The following UBR4 variants were observed in gnomAD, a reference collection of about 807,000 sequenced individuals.
UBR4 encodes the protein ubiquitin protein ligase E3 component n-recognin 4, also known as E3 ubiquitin-protein ligase UBR4.
UBR4 carries 124 observed loss-of-function variants against 575.6 expected under a neutral mutation model. That is an observed-to-expected ratio of 0.22 (90% confidence interval 0.19 to 0.25). The LOEUF is 0.25. Among genes scored for constraint, UBR4 ranks in the 10% least tolerant of loss-of-function variants. The probability of loss-of-function intolerance (pLI) is 1.00; values close to 1 mark genes in which losing one functional copy is unlikely to be tolerated. For synonymous variants in UBR4, 2,455 were observed against 2,473.7 expected (o/e 0.99, Z 0.22); for missense variants, 4,818 against 6,478.8 (o/e 0.74, Z 8.80).
At chr1:19,168,994 A>G (rs1296801383) in intron 27 of UBR4, among the ~76,000 whole-genome samples, 2 of 150,470 alleles carry the variant, frequency 1.3e-5, no homozygotes, top group African/African-American at 4.9e-5. Context: ...AAAAAAAAAG[A>G]AGACTCAGTA....
At chr1:19,162,308 G>T in intron 35 of UBR4, 112 bp downstream of exon 35, 1 of 1,319,388 alleles carries the variant, frequency 7.6e-7, no homozygotes, top group Non-Finnish European at 1.0e-6. Context: ...CAGCAACAAG[G>T]ACTAGGAAGT....
At position 19,126,494 on chromosome 1, in the gene UBR4, G is replaced by A; in HGVS notation, c.9390C>T (p.Thr3130=). Reference sequence around the variant, plus strand: ...ATGGGCTCATGTCAGGTGGGGAGGAGGTAGTATGTGGTTTCAGCAACTGGC... The same window carrying A: ...ATGGGCTCATGTCAGGTGGGGAGGAAGTAGTATGTGGTTTCAGCAACTGGC... The part of the protein sequence containing the change: ...ATSQLLKPHT[T]SSPPDMSPFF... Residue 3130 remains threonine, a synonymous_variant, in exon 64 of 106, where the codon ACC becomes ACT. Coordinates refer to ENST00000375254, the MANE Select transcript of UBR4 (RefSeq NM_020765.3). The A allele has an allele frequency of 1.2e-6, 2 of 1,614,196 alleles. No homozygotes were observed. Among genetic ancestry groups the A allele is most frequent in the Admixed American group, 1.7e-5 (1 of 60,022 alleles).
At chr1:19,145,403 G>A (rs1008129751) in intron 53 of UBR4, among the ~76,000 whole-genome samples, 1 of 152,084 alleles carries the variant, frequency 6.6e-6, no homozygotes, top group Non-Finnish European at 1.5e-5. Context: ...AGAAGTTAGA[G>A]ACCAAATAGC....
chr1:19,193,008 C>G (rs1202794398), intron 9 of UBR4, among the ~76,000 whole-genome samples: 4 of 152,118 alleles, frequency 2.6e-5, no homozygotes, highest in Non-Finnish European at 5.9e-5. Context: ...GTTTTGAACT[C>G]CTAACCTCAG....
chr1:19,198,411 A>G (rs906348920), intron 5 of UBR4, 130 bp downstream of exon 5: 20 of 1,285,416 alleles, frequency 1.6e-5, no homozygotes, highest in Non-Finnish European at 2.1e-5. Flanking sequence ...TGTATTCCTC[A>G]ATTTCTTTTG....
Position 19,121,443 on chromosome 1 carries a change from A to C in UBR4, c.9896-9T>G. The C allele has an allele frequency of 2.5e-6, 4 of 1,610,232 alleles. No homozygotes were observed. Among genetic ancestry groups the C allele is most frequent in the Non-Finnish European group, 3.4e-6 (4 of 1,177,340 alleles). ...GAGGAAGTACAGGACGGCTGCAAGC[A>C]GAGGAGACAGAGGCTCACCTCTGAG... On this transcript the variant is annotated splice_polypyrimidine_tract_variant and intron_variant, in intron 67 of 105. Transcript: ENST00000375254.
At chr1:19,194,825 A>C (rs1386313297) in intron 8 of UBR4, among the ~76,000 whole-genome samples, 2 of 152,048 alleles carry the variant, frequency 1.3e-5, no homozygotes, top group Non-Finnish European at 2.9e-5. Context: ...TTAAATAATT[A>C]ATTCATTCAC....
chr1:19,126,798 C>T, intron 63 of UBR4, 143 bp from the exon 64 acceptor site: 2 of 868,948 alleles, frequency 2.3e-6, no homozygotes, highest in East Asian at 2.6e-5. Context: ...TGCACTGAAA[C>T]TTCCCCAAGG....
chr1:19,165,924 T>C (rs571425818), intron 29 of UBR4, among the ~76,000 whole-genome samples, 167 bp from the exon 30 acceptor site: 3 of 152,364 alleles, frequency 2.0e-5, no homozygotes, highest in African/African-American at 7.2e-5. Context: ...AGGTGTTCAA[T>C]ACATGTTTAC....
chr1:19,110,424 G>A lies in UBR4; in HGVS notation c.11933C>T (p.Ser3978Phe), dbSNP rs1194350877. Residue 3978 changes from serine to phenylalanine, a missense_variant, in exon 80 of 106, where the codon TCT becomes TTT. By Grantham distance (155) the Ser-to-Phe change is radical. This residue lies in a region of UBR4 where 333 missense variants were observed against 459.2 expected (regional missense o/e 0.73). Coordinates refer to ENST00000375254, the MANE Select transcript of UBR4 (RefSeq NM_020765.3). The surrounding 1 kb of genome is among the most constrained non-coding windows in gnomAD (Gnocchi z 4.5). ...LQYEMLLLTD[S>F]ISKEDSCWEL... is the part of the protein sequence containing the mutation. ...CCAGCAGCTGTCCTCCTTGGAGATAGAATCCGTCAGCAGCAGCATTTCATA... is the reference window on the plus strand; with the variant it reads ...CCAGCAGCTGTCCTCCTTGGAGATAAAATCCGTCAGCAGCAGCATTTCATA... The A allele has an allele frequency of 1.9e-6, 3 of 1,614,180 alleles. No homozygotes were observed. Among genetic ancestry groups the A allele is most frequent in the Non-Finnish European group, 2.5e-6 (3 of 1,180,038 alleles).
intron 51 of UBR4, among the ~76,000 whole-genome samples, 196 bp downstream of exon 51, chr1:19,147,797 G>A (rs891491232): frequency 6.6e-6 from 1 of 152,054 alleles, no homozygotes; most frequent in Non-Finnish European, 1.5e-5. Context: ...ACAAACCAGG[G>A]GCCCAGTCAC....
chr1:19,104,932 T>C (rs1015220344), intron 85 of UBR4, 116 bp downstream of exon 85: 17 of 1,467,978 alleles, frequency 1.2e-5, no homozygotes, highest in Non-Finnish European at 1.6e-5. Context: ...TCCAAACACC[T>C]TCAACAAATA....
intron 25 of UBR4, among the ~76,000 whole-genome samples, chr1:19,171,547 T>C (rs774470497): frequency 6.6e-6 from 1 of 152,080 alleles, no homozygotes; most frequent in Non-Finnish European, 1.5e-5. Context: ...TAAAGCAGCA[T>C]AAAGCCCACA....
chr1:19,136,467 T>C (rs2083210489), intron 60 of UBR4, among the ~76,000 whole-genome samples: 2 of 152,156 alleles, frequency 1.3e-5, no homozygotes, highest in East Asian at 1.9e-4. Flanking sequence ...ATGCATAGTA[T>C]AACCACTGAA....
rs2084977304 is a variant in UBR4, at chr1:19,147,099, T to A, written c.7630-99A>T. On this transcript the variant is annotated intron_variant, in intron 51 of 105. Coordinates refer to ENST00000375254, the MANE Select transcript of UBR4 (RefSeq NM_020765.3). ...CTGGCAGATCACCAGGATTATTACC[T>A]CCTCTCAAGAGAACAGGCCAATGAA... 9 of 1,357,682 alleles carry A rather than the reference T, an allele frequency of 6.6e-6. No homozygotes were observed. In the Admixed American group the frequency reaches 2.2e-4, roughly 33 times the overall value. The allele number at this position is 1,357,682 out of a possible 1,614,324, so 84.1% of individuals were successfully genotyped here. A position where few individuals can be genotyped will look rare whatever the true frequency, so the allele number is the denominator to read the frequency against.
intron 1 of UBR4, among the ~76,000 whole-genome samples, chr1:19,209,685 C>T (rs975312566): frequency 5.9e-5 from 9 of 152,198 alleles, no homozygotes; most frequent in Non-Finnish European, 1.2e-4. Context: ...TAAATTATAC[C>T]GTACGGCTCC....
At chr1:19,087,770 G>A (rs1307781039) in intron 99 of UBR4, 46 bp downstream of exon 99, 1 of 1,503,036 alleles carries the variant, frequency 6.7e-7, no homozygotes, top group Non-Finnish European at 9.1e-7. Context: ...TAGAACAAGG[G>A]GTCAGGCTGG....
intron 9 of UBR4, among the ~76,000 whole-genome samples, chr1:19,193,110 C>T (rs1003679568): frequency 1.1e-4 from 17 of 152,114 alleles, no homozygotes; most frequent in African/African-American, 3.4e-4. Context: ...ATTGTTTCAG[C>T]GCACTTAATC....
chr1:19,147,713 G>T (rs927962352), intron 51 of UBR4, among the ~76,000 whole-genome samples: 3 of 150,282 alleles, frequency 2.0e-5, no homozygotes, highest in Non-Finnish European at 4.5e-5. Context: ...CAGCGAGAAG[G>T]CTACCCACGC....
Sources: allele counts gnomAD v4.1 joint callset (sites outside exome capture counted in the v4.1 genomes callset), GRCh38; gene constraint gnomAD v4.1.1; regional missense constraint gnomAD v4.1.1; non-coding constraint Gnocchi (gnomAD v3.1); transcripts MANE v1.5; gene names NCBI Gene and HGNC (gene_info 2026-07-23, HGNC 2026-07-21).